The following CSMD1 variants were observed in gnomAD, a reference collection of about 807,000 sequenced individuals.
CSMD1 encodes the protein CUB and sushi domain-containing protein 1.
A neutral mutation model predicts 417.5 loss-of-function variants in CSMD1; 213 were observed. That is an observed-to-expected ratio of 0.51 (90% CI 0.46 to 0.57). The LOEUF (loss-of-function observed/expected upper bound fraction) is 0.57, where lower values mean the gene tolerates loss of function less well. Ranked by LOEUF, CSMD1 falls within the 20% of genes least tolerant of loss-of-function variation. The pLI, the probability that CSMD1 is intolerant of heterozygous loss-of-function variation, is 0.00. For synonymous variants in CSMD1, 2,862 were observed against 1,736.8 expected (o/e 1.65, Z -16.11); for missense variants, 6,923 against 4,529.7 (o/e 1.53, Z -15.17).
At chr8:4,365,794 C>T (rs764561487) in intron 3 of CSMD1, among the ~76,000 whole-genome samples, 15 of 152,202 alleles carry the variant, frequency 9.9e-5, no homozygotes, top group Admixed American at 6.5e-4. Context: ...TTACTCTTGG[C>T]ATTACCCTCC....
chr8:3,108,832 T>C, intron 43 of CSMD1, 84 bp from the exon 44 acceptor site: 1 of 1,371,652 alleles, frequency 7.3e-7, no homozygotes, highest in South Asian at 1.4e-5. Context: ...TGAATTAATT[T>C]TTTTAATAAA....
chr8:3,646,302 A>G (rs1729311401), intron 7 of CSMD1, among the ~76,000 whole-genome samples: 1 of 152,184 alleles, frequency 6.6e-6, no homozygotes, highest in African/African-American at 2.4e-5. Context: ...TATGAAATAT[A>G]CTAAATATAC....
chr8:3,760,151 A>C (rs1324595982), intron 5 of CSMD1, among the ~76,000 whole-genome samples: 2 of 152,098 alleles, frequency 1.3e-5, no homozygotes, highest in African/African-American at 4.8e-5. Context: ...TTCTTAAGGG[A>C]ATTTTGACAT....
chr8:4,263,500 G>C (rs1804029599), intron 3 of CSMD1, among the ~76,000 whole-genome samples: 1 of 152,152 alleles, frequency 6.6e-6, no homozygotes, highest in Admixed American at 6.5e-5. Flanking sequence ...AGCTCTGTCT[G>C]TGGCAGTTAA....
chr8:3,516,003 G>C (rs1348869312), intron 10 of CSMD1, among the ~76,000 whole-genome samples: 2 of 152,164 alleles, frequency 1.3e-5, no homozygotes, highest in East Asian at 1.9e-4. Flanking sequence ...AAATTAGTAA[G>C]TCTACTCAAT....
chr8:4,934,067 G>T (rs981597525), intron 1 of CSMD1, among the ~76,000 whole-genome samples: 11 of 152,040 alleles, frequency 7.2e-5, no homozygotes, highest in Non-Finnish European at 1.3e-4. Context: ...TGCAAAGAAG[G>T]TCTCCATGAA....
At chr8:3,522,717 T>C (rs1270951523) in intron 10 of CSMD1, among the ~76,000 whole-genome samples, 7 of 152,012 alleles carry the variant, frequency 4.6e-5, no homozygotes, top group Admixed American at 3.9e-4. Flanking sequence ...CCGATACTGA[T>C]TCTGCACCTT....
chr8:3,690,202 T>C (rs1800163851), intron 7 of CSMD1, among the ~76,000 whole-genome samples: 1 of 151,996 alleles, frequency 6.6e-6, no homozygotes, highest in South Asian at 2.1e-4. Flanking sequence ...CTACAAAAAA[T>C]ACAAAAATTA....
intron 2 of CSMD1, among the ~76,000 whole-genome samples, chr8:4,564,638 G>C (rs540150253): frequency 6.6e-6 from 1 of 152,318 alleles, no homozygotes; most frequent in African/African-American, 2.4e-5. Context: ...AAACTAATCT[G>C]ACACTTCACT....
At chr8:4,396,430 G>A (rs142452997) in intron 3 of CSMD1, among the ~76,000 whole-genome samples, 287 of 152,248 alleles carry the variant, frequency 1.9e-3, no homozygotes, top group Middle Eastern at 6.8e-3. Flanking sequence ...CTGCACCACT[G>A]AACTCTAGCC....
rs557066505 is a variant in CSMD1 at position 3,307,892 on chromosome 8, A to G, written c.3824-71T>C. ...CATGTTTCTATTTAGCTACTTTTCAAAACCAAAGCCATTATGTCTGCATTA... is the reference window on the plus strand; with the variant it reads ...CATGTTTCTATTTAGCTACTTTTCAGAACCAAAGCCATTATGTCTGCATTA... On this transcript the variant is annotated intron_variant, in intron 24 of 69. Transcript: ENST00000635120. 74 of 1,540,338 alleles carry G rather than the reference A, an allele frequency of 4.8e-5. No individual in the cohort carries two copies. The African/African-American group carries it at 6.2e-4, about 13-fold the overall frequency.
At position 3,399,329 on chromosome 8, in the gene CSMD1, T is replaced by C. The variant is rs986701496; in HGVS notation, c.2405+62A>G. Reference sequence around the variant, plus strand: ...ATCTTTTTAAAGTTTAAGATCCATTTACTAAAACTATGGAAGAGACACACA... The same window carrying C: ...ATCTTTTTAAAGTTTAAGATCCATTCACTAAAACTATGGAAGAGACACACA... On this transcript the variant is annotated intron_variant, in intron 16 of 69. Transcript: ENST00000635120. The C allele has an allele frequency of 3.7e-5, 53 of 1,436,994 alleles. 1 individual carries two copies. In the Middle Eastern group the frequency reaches 6.4e-4, roughly 17 times the overall value. The allele number at this position is 1,436,994 out of a possible 1,614,324, so 89.0% of individuals were successfully genotyped here.
intron 7 of CSMD1, among the ~76,000 whole-genome samples, chr8:3,635,676 G>A (rs563084497): frequency 6.6e-6 from 1 of 150,580 alleles, no homozygotes; most frequent in Admixed American, 6.6e-5. Flanking sequence ...GTAGAGACGG[G>A]GATTCACTGT....
At chr8:4,020,958 T>G (rs1796759622) in intron 4 of CSMD1, among the ~76,000 whole-genome samples, 1 of 152,236 alleles carries the variant, frequency 6.6e-6, no homozygotes, top group Admixed American at 6.5e-5. Context: ...GACGTGGACT[T>G]TGATATCTCA....
At chr8:3,423,049 T>G (rs1011490140) in intron 12 of CSMD1, among the ~76,000 whole-genome samples, 1 of 152,236 alleles carries the variant, frequency 6.6e-6, no homozygotes, top group Non-Finnish European at 1.5e-5. Context: ...GCTAGTCGAG[T>G]TGTACAGTCC....
chr8:3,068,789 C>G (rs1813125907), intron 49 of CSMD1, among the ~76,000 whole-genome samples: 1 of 152,088 alleles, frequency 6.6e-6, no homozygotes, highest in Admixed American at 6.5e-5. Context: ...CGTGAGGGAT[C>G]CACCCCCATG....
intron 14 of CSMD1, among the ~76,000 whole-genome samples, chr8:3,407,419 G>A (rs1442110188): frequency 8.9e-6 from 1 of 112,456 alleles, no homozygotes; most frequent in Non-Finnish European, 2.0e-5. Flanking sequence ...ATGGATGGAA[G>A]GATGGATGGA....
chr8:4,477,388 G>A (rs572447993), intron 2 of CSMD1, among the ~76,000 whole-genome samples: 7 of 152,316 alleles, frequency 4.6e-5, no homozygotes, highest in Non-Finnish European at 7.4e-5. Context: ...GCAACGCCTC[G>A]ATCAGTCTCG....
At chr8:3,428,043 G>T (rs554597335) in intron 12 of CSMD1, among the ~76,000 whole-genome samples, 1 of 152,114 alleles carries the variant, frequency 6.6e-6, no homozygotes, top group African/African-American at 2.4e-5. Context: ...TATCTGCTTC[G>T]TTGCGTCTAC....
Sources: gnomAD v4.1 joint callset for allele counts (sites outside exome capture counted in the v4.1 genomes callset) on GRCh38, gnomAD v4.1.1 for gene constraint, MANE v1.5 for transcripts, NCBI Gene and HGNC (gene_info 2026-07-23, HGNC 2026-07-21) for gene names.